The following RIPOR3 variants were observed in gnomAD, a reference collection of about 807,000 sequenced individuals.
RIPOR3 encodes the protein RIPOR family member 3, also known as family with sequence similarity 65 member C.
A neutral mutation model predicts 114.3 loss-of-function variants in RIPOR3; 95 were observed. That is an observed-to-expected ratio of 0.83 (90% CI 0.70 to 0.99). The LOEUF (loss-of-function observed/expected upper bound fraction) is 0.99, where lower values mean the gene tolerates loss of function less well. Among genes scored for constraint, RIPOR3 ranks in the 50% least tolerant of loss-of-function variants. The pLI is 0.00. For missense variants in RIPOR3, 1,252 were observed against 1,266.9 expected, an observed-to-expected ratio of 0.99 and a Z score of 0.18; for synonymous variants, 575 against 543.8, an observed-to-expected ratio of 1.06 and a Z score of -0.80.
intron 1 of RIPOR3, among the ~76,000 whole-genome samples, chr20:50,655,919 T>TA (rs1324613633): frequency 2.6e-5 from 4 of 152,038 alleles, no homozygotes; most frequent in African/African-American, 4.8e-5. Flanking sequence ...CCTCCCAGTT[T>TA]GGGAAAAAAA....
chr20:50,631,495 C>A (rs1164788641), intron 1 of RIPOR3, among the ~76,000 whole-genome samples: 1 of 152,186 alleles, frequency 6.6e-6, no homozygotes, highest in Non-Finnish European at 1.5e-5. Flanking sequence ...CAGCAAGAAG[C>A]TCAGTGGGCT....
chr20:50,602,075 CAGCCGGTCCCGGA>C lies in RIPOR3; in HGVS notation c.1643_1655del (p.Phe548Ter). The C allele has an allele frequency of 6.4e-7, 1 of 1,554,574 alleles. No homozygotes were observed. Among genetic ancestry groups the C allele is most frequent in the Middle Eastern group, 1.8e-4 (1 of 5,528 alleles). ...GCCCGGGGCGGGGTGGCCATACCTT[CAGCCGGTCCCGGA>C]AGCCGAGGACCTGGTACTCCAGCTC... On this transcript the variant is annotated frameshift_variant, in exon 13 of 22. Coordinates refer to ENST00000327979, the MANE Select transcript of RIPOR3 (RefSeq NM_001290268.2). LOFTEE classifies it high-confidence loss of function. This position sits in a 1 kb window ranked among gnomAD's most constrained non-coding sequence, Gnocchi z 4.3.
chr20:50,638,984 A>G lies in RIPOR3; in HGVS notation c.4-8128T>C, dbSNP rs142707399. On this transcript the variant is annotated intron_variant, in intron 1 of 21. Coordinates refer to ENST00000327979, the MANE Select transcript of RIPOR3 (RefSeq NM_001290268.2). ...AGGCCGGGCGCAGTGGCTCATGCCTATAATCCCAGCACTTTGGGAGGCCAA... is the reference window on the plus strand; with the variant it reads ...AGGCCGGGCGCAGTGGCTCATGCCTGTAATCCCAGCACTTTGGGAGGCCAA... Among the ~76,000 whole-genome samples the G allele has an allele frequency of 7.9e-3, 1,198 of 152,240 alleles. 53 individuals are homozygous for G. The highest frequency in any genetic ancestry group is 0.057 in the Admixed American group (876 of 15,288).
chr20:50,592,910 G>T, intron 18 of RIPOR3, 125 bp downstream of exon 18: 1 of 1,229,880 alleles, frequency 8.1e-7, no homozygotes, highest in Non-Finnish European at 1.1e-6. Flanking sequence ...TCATTAAATC[G>T]GGGTTCCCAA....
At chr20:50,616,346 C>T (rs1187623730) in intron 3 of RIPOR3, among the ~76,000 whole-genome samples, 1 of 151,944 alleles carries the variant, frequency 6.6e-6, no homozygotes, top group African/African-American at 2.4e-5. Context: ...TCTTTCTTTA[C>T]TTATTTATTG....
intron 2 of RIPOR3, among the ~76,000 whole-genome samples, chr20:50,626,712 CTT>C (rs771341757): frequency 2.0e-5 from 3 of 152,206 alleles, no homozygotes; most frequent in Non-Finnish European, 4.4e-5. Context: ...ATGCAAGGCT[CTT>C]TATTCAAAAT....
At chr20:50,652,538 C>A (rs1183598970) in intron 1 of RIPOR3, among the ~76,000 whole-genome samples, 1 of 136,556 alleles carries the variant, frequency 7.3e-6, no homozygotes, top group Admixed American at 8.7e-5. Flanking sequence ...TTGCAGTGAG[C>A]CGAGATTGCA....
At chr20:50,676,881 G>T (rs6096059) in intron 1 of RIPOR3, among the ~76,000 whole-genome samples, 1 of 147,236 alleles carries the variant, frequency 6.8e-6, no homozygotes, top group East Asian at 2.1e-4. Context: ...TAGGATTACA[G>T]GTGTGAGCCA....
chr20:50,624,264 T>C (rs1248360287), intron 2 of RIPOR3, among the ~76,000 whole-genome samples: 1 of 152,214 alleles, frequency 6.6e-6, no homozygotes, highest in African/African-American at 2.4e-5. Flanking sequence ...GTTTGCCATC[T>C]TGAGGCTGGC....
intron 1 of RIPOR3, among the ~76,000 whole-genome samples, chr20:50,655,009 A>G (rs1397640207): frequency 6.6e-6 from 1 of 152,240 alleles, no homozygotes; most frequent in Admixed American, 6.5e-5. Context: ...TAGGCCCCCC[A>G]GAGTGCTGGG....
At chr20:50,675,433 T>C (rs958159972) in intron 1 of RIPOR3, among the ~76,000 whole-genome samples, 20 of 152,204 alleles carry the variant, frequency 1.3e-4, no homozygotes, top group African/African-American at 4.1e-4. Flanking sequence ...TACTATACCA[T>C]GTTACAGAGA....
chr20:50,613,191 T>C (rs911587395), intron 4 of RIPOR3, among the ~76,000 whole-genome samples: 1 of 152,200 alleles, frequency 6.6e-6, no homozygotes, highest in Non-Finnish European at 1.5e-5. Context: ...CTCATGCCTA[T>C]AATCCTAGCC....
At chr20:50,656,699 C>T (rs1042407408) in intron 1 of RIPOR3, among the ~76,000 whole-genome samples, 2 of 152,058 alleles carry the variant, frequency 1.3e-5, no homozygotes, top group East Asian at 1.9e-4. Context: ...GGGGTTTCAT[C>T]GTGTTGGTCA....
At chr20:50,651,846 G>C (rs991224214) in intron 1 of RIPOR3, among the ~76,000 whole-genome samples, 4 of 152,228 alleles carry the variant, frequency 2.6e-5, no homozygotes, top group African/African-American at 9.7e-5. Context: ...CAGAGAAGAG[G>C]GGGAGGAGCC....
At chr20:50,597,929 G>A (rs1192225356) in intron 13 of RIPOR3, among the ~76,000 whole-genome samples, 1 of 152,206 alleles carries the variant, frequency 6.6e-6, no homozygotes, top group Non-Finnish European at 1.5e-5. Context: ...CAAGGTAGGA[G>A]CAGAATCTTG....
At chr20:50,613,256 T>C (rs961204351) in intron 4 of RIPOR3, among the ~76,000 whole-genome samples, 3 of 152,066 alleles carry the variant, frequency 2.0e-5, no homozygotes, top group African/African-American at 7.2e-5. Context: ...GAGACCAGCC[T>C]GGCCAACATG....
chr20:50,611,067 AT>A (rs2083961797), intron 5 of RIPOR3, 113 bp downstream of exon 5: 1 of 1,560,344 alleles, frequency 6.4e-7, no homozygotes, highest in Non-Finnish European at 8.8e-7. Flanking sequence ...CATTCCTAAA[AT>A]GGGGAGGAGA....
chr20:50,687,425 T>G (rs1038511290), intron 1 of RIPOR3, among the ~76,000 whole-genome samples: 3 of 152,244 alleles, frequency 2.0e-5, no homozygotes, highest in Admixed American at 6.5e-5. Context: ...GACTGAGGAC[T>G]GTTCAGGAGA....
chr20:50,587,037 G>T lies in RIPOR3; in HGVS notation c.*195C>A. 1.7e-6 allele frequency: 1 copy of T among 580,232 alleles called. No homozygotes were observed. The highest frequency in any genetic ancestry group is 2.1e-5 in the South Asian group (1 of 47,278). The allele number at this position is 580,232 out of a possible 1,614,324, so 35.9% of individuals were successfully genotyped here. A position where few individuals can be genotyped will look rare whatever the true frequency, so the allele number is the denominator to read the frequency against. Reference sequence around the variant, plus strand: ...CCCTGGAATGCTGTACCTTTGCCTTGCTTTTTTCTGCCTCTGTACAAAAGA... The same window carrying T: ...CCCTGGAATGCTGTACCTTTGCCTTTCTTTTTTCTGCCTCTGTACAAAAGA... On this transcript the variant is annotated 3_prime_UTR_variant, in exon 22 of 22. Transcript: ENST00000327979.
Sources: allele counts gnomAD v4.1 joint callset (sites outside exome capture counted in the v4.1 genomes callset), GRCh38; gene constraint gnomAD v4.1.1; non-coding constraint Gnocchi (gnomAD v3.1); transcripts MANE v1.5; gene names NCBI Gene and HGNC (gene_info 2026-07-23, HGNC 2026-07-21).